Variants in PRPF38B observed in about 807,000 individuals in gnomAD.
The protein encoded by PRPF38B is pre-mRNA processing factor 38B.
Under a neutral mutation model 67.2 loss-of-function variants are expected in PRPF38B, and 18 were observed. That is an observed-to-expected ratio of 0.27 (90% CI 0.19 to 0.40). PRPF38B has a LOEUF of 0.40. Among genes scored for constraint, PRPF38B ranks in the 10% least tolerant of loss-of-function variants. PRPF38B has a pLI of 1.00. For synonymous variants in PRPF38B, 246 were observed against 234.2 expected, an observed-to-expected ratio of 1.05 and a Z score of -0.46; for missense variants, 544 against 684.9, an observed-to-expected ratio of 0.79 and a Z score of 2.30.
In PRPF38B at chr1:108,702,265, A is replaced by T. The variant is rs1377901558; in HGVS notation, c.*2245A>T. 1.3e-5 allele frequency among the ~76,000 whole-genome samples: 2 copies of T among 152,138 alleles called. No homozygotes were observed. The highest frequency in any genetic ancestry group is 1.3e-4 in the Admixed American group (2 of 15,272). ...CTTGGCCTCCTAAGTAGCTGGGACC[A>T]CAGGTGCATGCTAGCACACCCGGCT... On this transcript the variant is annotated 3_prime_UTR_variant, in exon 6 of 6. Coordinates refer to ENST00000370025, the MANE Select transcript of PRPF38B (RefSeq NM_018061.4).
At position 108,702,781 on chromosome 1, in the gene PRPF38B, T is replaced by C. The variant is rs1660640818; in HGVS notation, c.*2761T>C. ...TGCACATGTATCTGAACTTAAAGTA[T>C]AATTTAAAAAAATTTTTAATACAGC... On this transcript the variant is annotated 3_prime_UTR_variant, in exon 6 of 6. Coordinates refer to ENST00000370025, the MANE Select transcript of PRPF38B (RefSeq NM_018061.4). Among the ~76,000 whole-genome samples, 1 of 152,152 alleles carries C rather than the reference T, an allele frequency of 6.6e-6. No individual in the cohort carries two copies. Among genetic ancestry groups the C allele is most frequent in the African/African-American group, 2.4e-5 (1 of 41,422 alleles).
Position 108,692,913 on chromosome 1 carries a change from G to A in PRPF38B, c.276+46G>A, listed in dbSNP as rs201184268. ...GGCTTTGGGGGTAAGTTCGGAAGAG[G>A]GGGTATGGAGGAAACGGGCGAAGGC... On this transcript the variant is annotated intron_variant, in intron 1 of 5. Transcript: ENST00000370025. The A allele has an allele frequency of 1.0e-4, 157 of 1,560,842 alleles. 2 individuals are homozygous for A. The East Asian group carries it at 3.5e-3, about 35-fold the overall frequency.
Position 108,692,552 on chromosome 1 carries a change from T to TG in PRPF38B, c.-40_-39insG. 2 of 958,962 alleles carry TG rather than the reference T, an allele frequency of 2.1e-6. No homozygotes were observed. Among genetic ancestry groups the TG allele is most frequent in the Non-Finnish European group, 1.5e-6 (1 of 673,182 alleles). 59.4% of individuals were successfully genotyped at this position (958,962 alleles called of 1,614,324 possible). On this transcript the variant is annotated 5_prime_UTR_variant, in exon 1 of 6. Transcript: ENST00000370025. The stretch of plus-strand genomic sequence containing the variant: ...AAGAGCGAGATCGAGCTTGGCCCCC[T>TG]CCCCCCCCTCCTTCCCTCCCTCCTT...
chr1:108,692,350 C>A lies in PRPF38B; in HGVS notation c.-242C>A, dbSNP rs903397671. 1 of 557,074 alleles carries A rather than the reference C, an allele frequency of 1.8e-6. No homozygotes were observed. Among genetic ancestry groups the A allele is most frequent in the Non-Finnish European group, 3.2e-6 (1 of 315,012 alleles). 34.5% of individuals were successfully genotyped at this position (557,074 alleles called of 1,614,324 possible). A position where few individuals can be genotyped will look rare whatever the true frequency, so the allele number is the denominator to read the frequency against. ...GCAGTTGGCGGAAGAGATCGAGCTCCCTGGCTGCCGGCTCGCCTTCTGCGT... is the reference window on the plus strand; with the variant it reads ...GCAGTTGGCGGAAGAGATCGAGCTCACTGGCTGCCGGCTCGCCTTCTGCGT... On this transcript the variant is annotated 5_prime_UTR_variant, in exon 1 of 6. Coordinates refer to ENST00000370025, the MANE Select transcript of PRPF38B (RefSeq NM_018061.4).
Position 108,701,550 on chromosome 1 carries a change from A to G in PRPF38B, c.*1530A>G, listed in dbSNP as rs1006393296. The G allele has an allele frequency of 6.6e-6, 1 of 152,236 alleles. No individual in the cohort carries two copies. Among genetic ancestry groups the G allele is most frequent in the African/African-American group, 2.4e-5 (1 of 41,458 alleles). The allele number at this position is 152,236 out of a possible 1,614,324, so 9.4% of individuals were successfully genotyped here. A position where few individuals can be genotyped will look rare whatever the true frequency, so the allele number is the denominator to read the frequency against. On this transcript the variant is annotated 3_prime_UTR_variant, in exon 6 of 6. Coordinates refer to ENST00000370025, the MANE Select transcript of PRPF38B (RefSeq NM_018061.4). ...CACCCAATTCTTTTTAGAAAAGAAA[A>G]TAGAGGCCCAAAGTAATGATGTCAG...
In PRPF38B at chr1:108,696,151, A is replaced by G; in HGVS notation, c.454A>G (p.Thr152Ala). ...GCAAGTGATGGGTCTTATAACACAC[A>G]CAGACTCTCCATATATTAGAGCGCT... The part of the protein sequence containing the change: ...RKQVMGLITH[T>A]DSPYIRALGF... Residue 152 changes from threonine (T) to alanine (A), a missense_variant, in exon 3 of 6, where the codon ACA becomes GCA. Thr to Ala is a moderately conservative substitution (Grantham distance 58). Transcript: ENST00000370025. The G allele has an allele frequency of 6.2e-7, 1 of 1,614,068 alleles. No individual in the cohort carries two copies. Among genetic ancestry groups the G allele is most frequent in the Non-Finnish European group, 8.5e-7 (1 of 1,179,934 alleles).
At position 108,695,694 on chromosome 1, in the gene PRPF38B, A is replaced by G. The variant is rs764728526; in HGVS notation, c.277-8A>G. 6.2e-6 allele frequency: 10 copies of G among 1,613,406 alleles called. No individual in the cohort carries two copies. Among genetic ancestry groups the G allele is most frequent in the Non-Finnish European group, 8.5e-6 (10 of 1,179,716 alleles). ...AATGTTTGTTGTGTTCCTCTTTTCT[A>G]TTTTCAGGTCACGCACGTTGAACCA... On this transcript the variant is annotated splice_region_variant and splice_polypyrimidine_tract_variant and intron_variant, in intron 1 of 5. Coordinates refer to ENST00000370025, the MANE Select transcript of PRPF38B (RefSeq NM_018061.4).
chr1:108,693,546 G>C (rs1659547553), intron 1 of PRPF38B: 1 of 938,896 alleles, frequency 1.1e-6, no homozygotes, highest in Non-Finnish European at 1.3e-6. Context: ...CTCACCTGGC[G>C]CCTCCTCACT....
At position 108,699,751 on chromosome 1, in the gene PRPF38B, A is replaced by C. The variant is rs1660265277; in HGVS notation, c.1372A>C (p.Lys458Gln). The C allele has an allele frequency of 6.2e-7, 1 of 1,613,456 alleles. No individual in the cohort carries two copies. The part of the protein sequence containing the change: ...SRSRSKEKSS[K>Q]HKNESKEKSN... ...AAGTAGAAGCAAAGAGAAATCAAGT[A>C]AACATAAAAATGAAAGTAAAGAAAA... Residue 458 changes from lysine to glutamine, a missense_variant, in exon 6 of 6, where the codon AAA becomes CAA. Around this residue, in one of 5 missense-constraint regions of PRPF38B, gnomAD observed 387 missense variants for 386.1 expected, o/e 1.00. Transcript: ENST00000370025.
chr1:108,700,004 A>T lies in PRPF38B; in HGVS notation c.1625A>T (p.Lys542Ile), dbSNP rs140476695. The T allele has an allele frequency of 1.3e-6, 2 of 1,583,942 alleles. No individual in the cohort carries two copies. The highest frequency in any genetic ancestry group is 8.5e-7 in the Non-Finnish European group (1 of 1,170,446). The change falls in exon 6 of 6, where the codon AAA (lysine) becomes ATA (isoleucine). Residue 542 changes from lysine to isoleucine, a missense_variant. Transcript: ENST00000370025. ...QESQEKQHKN[K>I]DETV ...AGCCAAGAAAAACAGCATAAAAACA[A>T]AGATGAGACTGTGTGAAAATATTTT...
rs1660119045 is a variant in PRPF38B, at chr1:108,698,592, G to T, written c.559-12G>T. The T allele has an allele frequency of 1.3e-6, 2 of 1,563,388 alleles. No homozygotes were observed. Among genetic ancestry groups the T allele is most frequent in the Middle Eastern group, 1.7e-4 (1 of 5,940 alleles). The stretch of plus-strand genomic sequence containing the variant: ...TTTTTTGACGGCTAGGGTATCTTTT[G>T]TGTTTCTGTAGGACCTAGATGTGAA... On this transcript the variant is annotated splice_polypyrimidine_tract_variant and intron_variant, in intron 4 of 5. Transcript: ENST00000370025.
intron 4 of PRPF38B, chr1:108,696,925 A>G: frequency 5.4e-6 from 3 of 557,626 alleles, no homozygotes; most frequent in South Asian, 4.8e-5. Flanking sequence ...AATTTTTTAA[A>G]TTGTAATTCG....
chr1:108,693,517 G>A, intron 1 of PRPF38B: 2 of 746,960 alleles, frequency 2.7e-6, no homozygotes, highest in Non-Finnish European at 3.3e-6. Context: ...GTCGGTGCTG[G>A]CTTGGCTGTG....
Position 108,699,970 on chromosome 1 carries a change from G to C in PRPF38B, c.1591G>C (p.Glu531Gln). 6.3e-7 allele frequency: 1 copy of C among 1,595,946 alleles called. No homozygotes were observed. The highest frequency in any genetic ancestry group is 1.7e-4 in the Middle Eastern group (1 of 5,962). Residue 531 changes from glutamate (E) to glutamine (Q), a missense_variant, in exon 6 of 6, where the codon GAA becomes CAA. Physicochemically the swap from Glu to Gln is conservative, Grantham distance 29. Transcript: ENST00000370025. ...KHDRRRSQSI[E>Q]QESQEKQHKN... ...TGATCGTCGAAGGAGCCAAAGTATA[G>C]AACAAGAGAGCCAAGAAAAACAGCA...
chr1:108,699,631 G>C lies in PRPF38B; in HGVS notation c.1252G>C (p.Asp418His). 1 of 1,557,410 alleles carries C rather than the reference G, an allele frequency of 6.4e-7. No homozygotes were observed. Among genetic ancestry groups the C allele is most frequent in the Non-Finnish European group, 8.7e-7 (1 of 1,150,406 alleles). Residue 418 changes from aspartate (D) to histidine (H), a missense_variant, in exon 6 of 6, where the codon GAT becomes CAT. Coordinates refer to ENST00000370025, the MANE Select transcript of PRPF38B (RefSeq NM_018061.4). Reference protein sequence around the residue: ...DDRRHRDDKRDSKKEKKHSRS... With the variant: ...DDRRHRDDKRHSKKEKKHSRS... ...TAGGCGGCACAGAGATGACAAAAGAGATTCCAAGAAAGAGAAAAAACACAG... is the reference window on the plus strand; with the variant it reads ...TAGGCGGCACAGAGATGACAAAAGACATTCCAAGAAAGAGAAAAAACACAG...
At chr1:108,699,128 A>G in intron 5 of PRPF38B, 34 bp from the exon 6 acceptor site, 1 of 1,556,892 alleles carries the variant, frequency 6.4e-7, no homozygotes, top group South Asian at 1.2e-5. Flanking sequence ...TGTTTTATTC[A>G]TTGAAATTTT....
At chr1:108,693,506 G>T in intron 1 of PRPF38B, 1 of 611,922 alleles carries the variant, frequency 1.6e-6, no homozygotes, top group Non-Finnish European at 2.0e-6. Context: ...TCTGCGGCAG[G>T]GTCGGTGCTG....
intron 1 of PRPF38B, chr1:108,693,623 GC>G: frequency 1.0e-6 from 1 of 984,134 alleles, no homozygotes; most frequent in Non-Finnish European, 1.2e-6. Context: ...GCTCGGAGCA[GC>G]CCAGGGTCGC....
In PRPF38B at chr1:108,699,178, C is replaced by G. The variant is rs1660179359; in HGVS notation, c.799C>G (p.Leu267Val). ...CTTCCTTAGGTCTCCAAGGAGATCT[C>G]TGAGTCCACGGAGGTCCCCAAGAAG... is the stretch of plus-strand genomic sequence containing the variant. ...RRRSRSPRRS[L>V]SPRRSPRRSR... The change falls in exon 6 of 6, where the codon CTG becomes GTG. Residue 267 changes from leucine (L) to valine (V), a missense_variant. This residue lies in a region of PRPF38B where 387 missense variants were observed against 386.1 expected (regional missense o/e 1.00). Transcript: ENST00000370025. 6.2e-7 allele frequency: 1 copy of G among 1,608,946 alleles called. No individual in the cohort carries two copies. The highest frequency in any genetic ancestry group is 1.1e-5 in the South Asian group (1 of 90,548).
Sources: gnomAD v4.1 joint callset for allele counts (sites outside exome capture counted in the v4.1 genomes callset) on GRCh38, gnomAD v4.1.1 for gene constraint, gnomAD v4.1.1 regional missense constraint, MANE v1.5 for transcripts, NCBI Gene and HGNC (gene_info 2026-07-23, HGNC 2026-07-21) for gene names.